The following CFAP20DC variants were observed in gnomAD, a reference collection of about 807,000 sequenced individuals.
CFAP20DC encodes the protein CFAP20 domain containing.
CFAP20DC carries 84 observed loss-of-function variants against 101.7 expected under a neutral mutation model. That is an observed-to-expected ratio of 0.83 (90% CI 0.69 to 0.99). The LOEUF (loss-of-function observed/expected upper bound fraction) is 0.99, where lower values mean the gene tolerates loss of function less well. Ranked by LOEUF, CFAP20DC falls within the 50% of genes least tolerant of loss-of-function variation. The pLI is 0.00. For synonymous variants in CFAP20DC, 359 were observed against 351.2 expected (o/e 1.02, Z -0.25); for missense variants, 1,007 against 970.3 (o/e 1.04, Z -0.50).
At position 58,721,576 on chromosome 3, in the gene CFAP20DC, G is replaced by C. The variant is rs1408697719; in HGVS notation, c.198-3948C>G. ...CAAGTCGTAGCACCCAAGACCCCAG[G>C]GTAGGAGAGCCCAGGGGAAAGTAAA... On this transcript the variant is annotated intron_variant, in intron 3 of 3. Coordinates refer to the CFAP20DC transcript ENST00000486145. This position sits in a 1 kb window ranked among gnomAD's most constrained non-coding sequence, Gnocchi z 5.2. 1.3e-5 allele frequency among the ~76,000 whole-genome samples: 2 copies of C among 152,126 alleles called. No individual in the cohort carries two copies. Among genetic ancestry groups the C allele is most frequent in the Non-Finnish European group, 2.9e-5 (2 of 68,022 alleles).
At chr3:58,977,993 T>C (rs1218972998) in intron 4 of CFAP20DC, among the ~76,000 whole-genome samples, 2 of 152,074 alleles carry the variant, frequency 1.3e-5, no homozygotes, top group African/African-American at 4.8e-5. Context: ...TCTCAGGAAC[T>C]GAATGGGGAA....
At chr3:58,981,308 TC>T (rs2092533549) in intron 4 of CFAP20DC, among the ~76,000 whole-genome samples, 1 of 152,098 alleles carries the variant, frequency 6.6e-6, no homozygotes, top group East Asian at 1.9e-4. Flanking sequence ...TTCAATGCCA[TC>T]CCCATCAAGC....
At chr3:59,043,958 TG>T (rs1453425528) in intron 3 of CFAP20DC, among the ~76,000 whole-genome samples, 7 of 152,158 alleles carry the variant, frequency 4.6e-5, no homozygotes, top group African/African-American at 1.7e-4. Flanking sequence ...ACAAAGAAGA[TG>T]ATTCAGGAAG....
intron 4 of CFAP20DC, chr3:59,018,515 AG>A (rs2093735374): frequency 1.3e-5 from 2 of 152,096 alleles, no homozygotes; most frequent in Admixed American, 6.5e-5. Flanking sequence ...TGCACTGAGA[AG>A]GACACAACAT....
intron 15 of CFAP20DC, among the ~76,000 whole-genome samples, chr3:58,764,715 G>A (rs1323040739): frequency 6.6e-6 from 1 of 152,066 alleles, no homozygotes; most frequent in Non-Finnish European, 1.5e-5. Context: ...TCCCTGTAAT[G>A]AAAAGCCTCC....
chr3:58,875,306 T>C (rs2080650064), intron 7 of CFAP20DC, among the ~76,000 whole-genome samples: 1 of 152,186 alleles, frequency 6.6e-6, no homozygotes, highest in South Asian at 2.1e-4. Flanking sequence ...CGATTGACAA[T>C]AGGAAGAAAT....
At chr3:58,725,353 G>A (rs1214858473) in intron 3 of CFAP20DC, among the ~76,000 whole-genome samples, 1 of 152,170 alleles carries the variant, frequency 6.6e-6, no homozygotes, top group African/African-American at 2.4e-5. Context: ...TCTTTGGACT[G>A]TTTCTGGGTT....
At chr3:59,009,039 CAA>C (rs896631129) in intron 4 of CFAP20DC, among the ~76,000 whole-genome samples, 10 of 152,182 alleles carry the variant, frequency 6.6e-5, no homozygotes, top group African/African-American at 2.2e-4. Context: ...AGCCAGTACA[CAA>C]AGACTTTCTA....
chr3:58,879,741 G>C (rs1028130329), intron 7 of CFAP20DC, among the ~76,000 whole-genome samples: 2 of 151,908 alleles, frequency 1.3e-5, no homozygotes, highest in African/African-American at 4.8e-5. Flanking sequence ...AGTGTCTTGG[G>C]GGTTGGTGGA....
chr3:58,775,368 A>T (rs1338717718), intron 15 of CFAP20DC, among the ~76,000 whole-genome samples: 1 of 152,168 alleles, frequency 6.6e-6, no homozygotes, highest in Non-Finnish European at 1.5e-5. Context: ...GTGTGCCCTG[A>T]GAAGTTTTCA....
chr3:58,942,210 A>G (rs1039269642), intron 4 of CFAP20DC, among the ~76,000 whole-genome samples: 4 of 152,232 alleles, frequency 2.6e-5, no homozygotes, highest in Non-Finnish European at 5.9e-5. Flanking sequence ...TTCTTGGAGG[A>G]AATTTCAATT....
intron 7 of CFAP20DC, among the ~76,000 whole-genome samples, chr3:58,880,385 C>T (rs891880869): frequency 6.6e-6 from 1 of 152,154 alleles, no homozygotes; most frequent in African/African-American, 2.4e-5. Flanking sequence ...CCATCACAGG[C>T]AGAGCAGGTC....
rs534659197 is a variant in CFAP20DC at position 58,831,495 on chromosome 3, A to C, written c.2175+191T>G. Among the ~76,000 whole-genome samples, 4 of 152,338 alleles carry C rather than the reference A, an allele frequency of 2.6e-5. No homozygotes were observed. The East Asian group carries it at 7.7e-4, about 29-fold the overall frequency. ...TACATTTTCTGAAGGTAAATAAGAC[A>C]ATTTAAGAAAAGACTGTCATCTTCT... On this transcript the variant is annotated intron_variant, in intron 14 of 16. Coordinates refer to ENST00000482387, the MANE Select transcript of CFAP20DC (RefSeq NM_001394063.1).
At chr3:58,817,072 T>G (rs2075240530) in intron 14 of CFAP20DC, among the ~76,000 whole-genome samples, 1 of 152,018 alleles carries the variant, frequency 6.6e-6, no homozygotes, top group Admixed American at 6.6e-5. Context: ...GACCTGCAGC[T>G]GAGGGTCTTG....
In CFAP20DC at chr3:59,002,812, C is replaced by G. The variant is rs1273249292; in HGVS notation, c.278+36745G>C. 3.3e-5 allele frequency among the ~76,000 whole-genome samples: 5 copies of G among 152,168 alleles called. No individual in the cohort carries two copies. The highest frequency in any genetic ancestry group is 6.5e-5 in the Admixed American group (1 of 15,278). On this transcript the variant is annotated intron_variant, in intron 4 of 16. Coordinates refer to ENST00000482387, the MANE Select transcript of CFAP20DC (RefSeq NM_001394063.1). This position sits in a 1 kb window ranked among gnomAD's most constrained non-coding sequence, Gnocchi z 4.5. ...TTCTTTTAACAAGAACTAGTATTTG[C>G]CTAGTTTGAAAAGCACTTCTTATCA...
intron 6 of CFAP20DC, among the ~76,000 whole-genome samples, chr3:58,910,219 G>A (rs1559807330): frequency 6.6e-6 from 1 of 151,972 alleles, no homozygotes; most frequent in East Asian, 1.9e-4. Context: ...CTTTTCTCCT[G>A]GATGAAATTT....
At position 58,942,893 on chromosome 3, in the gene CFAP20DC, C is replaced by A. The variant is rs529302341; in HGVS notation, c.279-5131G>T. Reference sequence around the variant, plus strand: ...GGGCACTAGAGTTTGGTGGGGGAAGCGGCGTCTGCCATTACTAAGGCTCAA... The same window carrying A: ...GGGCACTAGAGTTTGGTGGGGGAAGAGGCGTCTGCCATTACTAAGGCTCAA... On this transcript the variant is annotated intron_variant, in intron 4 of 16. Coordinates refer to ENST00000482387, the MANE Select transcript of CFAP20DC (RefSeq NM_001394063.1). Among the ~76,000 whole-genome samples the A allele has an allele frequency of 1.2e-4, 19 of 152,274 alleles. No homozygotes were observed. The South Asian group carries it at 3.9e-3, about 32-fold the overall frequency.
intron 13 of CFAP20DC, among the ~76,000 whole-genome samples, chr3:58,848,335 A>T (rs987147985): frequency 2.0e-5 from 3 of 152,176 alleles, no homozygotes; most frequent in African/African-American, 7.2e-5. Context: ...AAGCTTTACA[A>T]TGCAACACCC....
chr3:58,928,672 T>C (rs973189201), intron 5 of CFAP20DC, among the ~76,000 whole-genome samples: 2 of 152,206 alleles, frequency 1.3e-5, no homozygotes, highest in Admixed American at 1.3e-4. Context: ...TCTCACTGCA[T>C]TGGCATATGG....
Sources: gnomAD v4.1 joint callset for allele counts (sites outside exome capture counted in the v4.1 genomes callset) on GRCh38, gnomAD v4.1.1 for gene constraint, Gnocchi (gnomAD v3.1) non-coding constraint, MANE v1.5 for transcripts, NCBI Gene and HGNC (gene_info 2026-07-23, HGNC 2026-07-21) for gene names.